NRG2: variants seen among roughly 807,000 people sequenced by gnomAD.
The protein encoded by NRG2 is pro-neuregulin-2, membrane-bound isoform.
A neutral mutation model predicts 73.9 loss-of-function variants in NRG2; 27 were observed. The observed-to-expected ratio is 0.37, with a 90% CI of 0.27 to 0.50. NRG2 has a LOEUF of 0.50. Among genes scored for constraint, NRG2 ranks in the 20% least tolerant of loss-of-function variants. The pLI is 0.96. For synonymous variants in NRG2, 532 were observed against 541.0 expected (o/e 0.98, Z 0.23); for missense variants, 1,126 against 1,210.1 (o/e 0.93, Z 1.03).
chr5:139,950,333 G>C (rs1754109034), intron 1 of NRG2, among the ~76,000 whole-genome samples: 1 of 152,220 alleles, frequency 6.6e-6, no homozygotes, highest in Non-Finnish European at 1.5e-5. Flanking sequence ...CTGGCATACA[G>C]TGCTGGAAAT....
intron 1 of NRG2, among the ~76,000 whole-genome samples, chr5:139,924,470 C>T (rs1010525004): frequency 1.3e-5 from 2 of 152,172 alleles, no homozygotes; most frequent in Non-Finnish European, 2.9e-5. Flanking sequence ...TTAATTAACC[C>T]AGCTAATAAC....
chr5:139,859,741 G>A (rs1762027401), intron 5 of NRG2: 1 of 767,338 alleles, frequency 1.3e-6, no homozygotes, highest in Non-Finnish European at 2.2e-6. Flanking sequence ...GTTTATGATA[G>A]GACATCTCGA....
At chr5:139,953,304 G>A (rs1391822186) in intron 1 of NRG2, among the ~76,000 whole-genome samples, 2 of 152,166 alleles carry the variant, frequency 1.3e-5, no homozygotes, top group Non-Finnish European at 2.9e-5. Context: ...CGGACCTGGG[G>A]AAGGGGGTCC....
chr5:139,878,245 C>A (rs1190209347), intron 3 of NRG2, among the ~76,000 whole-genome samples: 1 of 152,276 alleles, frequency 6.6e-6, no homozygotes, highest in Non-Finnish European at 1.5e-5. Flanking sequence ...CTCTCAGTAG[C>A]CCCTGTGCAC....
intron 1 of NRG2, among the ~76,000 whole-genome samples, chr5:139,993,088 T>C (rs1757758056): frequency 6.6e-6 from 1 of 152,164 alleles, no homozygotes; most frequent in Non-Finnish European, 1.5e-5. Flanking sequence ...TCTTTGAATA[T>C]AATGTGATGA....
intron 1 of NRG2, among the ~76,000 whole-genome samples, chr5:140,033,725 C>T (rs1182046039): frequency 6.6e-6 from 1 of 152,184 alleles, no homozygotes; most frequent in African/African-American, 2.4e-5. Flanking sequence ...CCTCTTGCCT[C>T]CCCCTGGTCT....
rs1371799309 is a variant in NRG2 at position 140,043,054 on chromosome 5, A to C, written c.16T>G (p.Cys6Gly). MRQVC[C>G]SALPPPPLEK... ...AGTGGCGGCGGCGGCAGCGCTGAGCAGCAAACCTGCCGCATCTGGCCAGGC... is the reference window on the plus strand; with the variant it reads ...AGTGGCGGCGGCGGCAGCGCTGAGCCGCAAACCTGCCGCATCTGGCCAGGC... Residue 6 changes from cysteine to glycine, a missense_variant, in exon 1 of 10, where the codon TGC becomes GGC. Physicochemically the swap from Cys to Gly is radical, Grantham distance 159. This residue lies in a region of NRG2 where 185 missense variants were observed against 149.0 expected (regional missense o/e 1.24). Transcript: ENST00000361474. The surrounding 1 kb of genome is among the most constrained non-coding windows in gnomAD (Gnocchi z 6.7). 3.3e-6 allele frequency: 5 copies of C among 1,536,792 alleles called. No individual in the cohort carries two copies. Among genetic ancestry groups the C allele is most frequent in the Non-Finnish European group, 4.4e-6 (5 of 1,148,448 alleles).
chr5:139,885,016 A>G (rs1237945543), intron 2 of NRG2, among the ~76,000 whole-genome samples: 1 of 152,092 alleles, frequency 6.6e-6, no homozygotes, highest in Non-Finnish European at 1.5e-5. Flanking sequence ...AGGGAGAGAA[A>G]GGACTACAGC....
intron 1 of NRG2, among the ~76,000 whole-genome samples, chr5:140,034,846 T>C (rs1420565391): frequency 6.6e-6 from 1 of 152,238 alleles, no homozygotes; most frequent in Non-Finnish European, 1.5e-5. Flanking sequence ...AAAATGTTAC[T>C]GAGTTACTTT....
At chr5:139,884,656 G>A (rs955683304) in intron 2 of NRG2, among the ~76,000 whole-genome samples, 1 of 152,156 alleles carries the variant, frequency 6.6e-6, no homozygotes, top group Non-Finnish European at 1.5e-5. Flanking sequence ...CTGAAGAAAA[G>A]GACAAGGTGT....
At chr5:139,966,884 A>G (rs1755561339) in intron 1 of NRG2, among the ~76,000 whole-genome samples, 1 of 152,222 alleles carries the variant, frequency 6.6e-6, no homozygotes, top group African/African-American at 2.4e-5. Flanking sequence ...GCAGAAGGCT[A>G]GTGAGGCTTC....
chr5:139,905,507 G>C (rs993669398), intron 1 of NRG2, among the ~76,000 whole-genome samples: 4 of 152,352 alleles, frequency 2.6e-5, no homozygotes, highest in African/African-American at 9.6e-5. Context: ...CCTGAAGCAG[G>C]CTTAGGACTC....
rs989452730 is a variant in NRG2 at position 139,870,815 on chromosome 5, C to A, written c.1112+906G>T. ...CTCACCAGAGAATCTGTCCAGGGGG[C>A]ACTGTAGGCCCAGCTGCCCAGAAGA... On this transcript the variant is annotated intron_variant, in intron 4 of 9. Coordinates refer to ENST00000361474, the MANE Select transcript of NRG2 (RefSeq NM_004883.3). The surrounding 1 kb of genome is among the most constrained non-coding windows in gnomAD (Gnocchi z 4.4). Among the ~76,000 whole-genome samples the A allele has an allele frequency of 6.6e-5, 10 of 152,220 alleles. No individual in the cohort carries two copies. The highest frequency in any genetic ancestry group is 2.4e-4 in the African/African-American group (10 of 41,448).
chr5:139,923,683 T>C (rs1751844444), intron 1 of NRG2, among the ~76,000 whole-genome samples: 1 of 152,126 alleles, frequency 6.6e-6, no homozygotes, highest in Non-Finnish European at 1.5e-5. Context: ...ACTTGAGAAA[T>C]AGCCCTTAAG....
chr5:139,916,388 G>T (rs573718646), intron 1 of NRG2, among the ~76,000 whole-genome samples: 1 of 152,122 alleles, frequency 6.6e-6, no homozygotes, highest in African/African-American at 2.4e-5. Flanking sequence ...GCATTTTTAA[G>T]GTTAATTGGG....
At chr5:140,029,594 A>G (rs1760968646) in intron 1 of NRG2, among the ~76,000 whole-genome samples, 1 of 151,042 alleles carries the variant, frequency 6.6e-6, no homozygotes, top group African/African-American at 2.4e-5. Flanking sequence ...AGGCTGAGGC[A>G]GGAGAATTGC....
intron 1 of NRG2, among the ~76,000 whole-genome samples, chr5:140,032,540 CT>C (rs1359967949): frequency 1.3e-5 from 2 of 152,138 alleles, no homozygotes; most frequent in African/African-American, 4.8e-5. Context: ...TGAAATGTGT[CT>C]AGGAAAAAAG....
At chr5:139,917,628 T>C (rs1751357147) in intron 1 of NRG2, among the ~76,000 whole-genome samples, 1 of 152,218 alleles carries the variant, frequency 6.6e-6, no homozygotes, top group African/African-American at 2.4e-5. Context: ...TGGCCATTTG[T>C]ATGTCTTCTT....
Position 139,886,916 on chromosome 5 carries a change from G to A in NRG2, c.872+424C>T, listed in dbSNP as rs3777097. ...GACAACTGACAGCTTGCTAAGCTGA[G>A]AAACCAGCCCATCATGTGTGACCTC... On this transcript the variant is annotated intron_variant, in intron 2 of 9. Coordinates refer to ENST00000361474, the MANE Select transcript of NRG2 (RefSeq NM_004883.3). 2.9e-4 allele frequency among the ~76,000 whole-genome samples: 44 copies of A among 152,342 alleles called. No individual in the cohort carries two copies. In the East Asian group the frequency reaches 8.1e-3, roughly 28 times the overall value.
Sources: gnomAD v4.1 joint callset for allele counts (sites outside exome capture counted in the v4.1 genomes callset) on GRCh38, gnomAD v4.1.1 for gene constraint, gnomAD v4.1.1 regional missense constraint, Gnocchi (gnomAD v3.1) non-coding constraint, MANE v1.5 for transcripts, NCBI Gene and HGNC (gene_info 2026-07-23, HGNC 2026-07-21) for gene names.